PLEKHG1: variants seen among roughly 807,000 people sequenced by gnomAD.
PLEKHG1 encodes the protein pleckstrin homology domain-containing family G member 1.
PLEKHG1 carries 44 observed loss-of-function variants against 100.8 expected under a neutral mutation model. The observed-to-expected ratio is 0.44, with a 90% CI of 0.34 to 0.56. The LOEUF is 0.56. Among genes scored for constraint, PLEKHG1 ranks in the 20% least tolerant of loss-of-function variants. The probability of loss-of-function intolerance (pLI) is 0.01; values close to 1 mark genes in which losing one functional copy is unlikely to be tolerated. For missense variants in PLEKHG1, 1,545 were observed against 1,720.9 expected (o/e 0.90, Z 1.81); for synonymous variants, 640 against 662.5 (o/e 0.97, Z 0.52).
chr6:150,828,060 C>T (rs2128685308), intron 14 of PLEKHG1: 1 of 1,613,022 alleles, frequency 6.2e-7, no homozygotes, highest in Admixed American at 1.7e-5. Context: ...GATAAATCAG[C>T]ACCTCAGTGG....
At chr6:150,634,288 AAAGAACTGTGATC>A (rs1197988833) in intron 1 of PLEKHG1, among the ~76,000 whole-genome samples, 7 of 152,138 alleles carry the variant, frequency 4.6e-5, no homozygotes, top group African/African-American at 1.7e-4. Context: ...AAGAAAAAAA[AAAGAACTGTGATC>A]AAGCAGCCAC....
At chr6:150,777,794 T>A (rs1205165682) in intron 3 of PLEKHG1, among the ~76,000 whole-genome samples, 13 of 152,212 alleles carry the variant, frequency 8.5e-5, no homozygotes, top group African/African-American at 2.9e-4. Flanking sequence ...ACATGTGCGG[T>A]TGCACATCAG....
chr6:150,839,256 A>G (rs1777386660), intron 15 of PLEKHG1, among the ~76,000 whole-genome samples: 1 of 152,202 alleles, frequency 6.6e-6, no homozygotes, highest in Non-Finnish European at 1.5e-5. Flanking sequence ...CTGGGACTAC[A>G]GGTGCACGCC....
intron 3 of PLEKHG1, among the ~76,000 whole-genome samples, chr6:150,778,754 T>G (rs1354676320): frequency 6.6e-6 from 1 of 152,052 alleles, no homozygotes; most frequent in Non-Finnish European, 1.5e-5. Flanking sequence ...GCAGACAAAG[T>G]GGATAGGAAC....
chr6:150,687,406 C>T (rs1220546765), intron 3 of PLEKHG1, among the ~76,000 whole-genome samples: 1 of 152,086 alleles, frequency 6.6e-6, no homozygotes, highest in African/African-American at 2.4e-5. Context: ...TCTGGGTTTT[C>T]TCAGTAATTC....
At chr6:150,725,646 ATG>A (rs1186851164) in intron 1 of PLEKHG1, among the ~76,000 whole-genome samples, 1 of 151,840 alleles carries the variant, frequency 6.6e-6, no homozygotes, top group Non-Finnish European at 1.5e-5. Flanking sequence ...TTCTAGTTTG[ATG>A]TAGTCTCACT....
At chr6:150,637,879 G>T (rs1330071044) in intron 1 of PLEKHG1, among the ~76,000 whole-genome samples, 1 of 151,952 alleles carries the variant, frequency 6.6e-6, no homozygotes, top group South Asian at 2.1e-4. Flanking sequence ...TGGATTTTAG[G>T]CCTCTTGAAA....
rs1780022049 is a variant in PLEKHG1 at position 150,683,961 on chromosome 6, G to A, written c.-99+33175G>A. The A allele has an allele frequency of 6.4e-6, 3 of 469,002 alleles. No homozygotes were observed. In the Admixed American group the frequency reaches 1.1e-4, roughly 17 times the overall value. 29.1% of individuals were successfully genotyped at this position (469,002 alleles called of 1,614,324 possible). A position where few individuals can be genotyped will look rare whatever the true frequency, so the allele number is the denominator to read the frequency against. On this transcript the variant is annotated intron_variant, in intron 3 of 3. Coordinates refer to the PLEKHG1 transcript ENST00000367326. The surrounding 1 kb of genome is among the most constrained non-coding windows in gnomAD (Gnocchi z 4.0). ...GCAGTGGCAAGTAGTGGGTTTCATG[G>A]AAGGATAAAAGTATCAGGCAGCCTC...
At chr6:150,668,021 G>A (rs541016437) in intron 3 of PLEKHG1, among the ~76,000 whole-genome samples, 1 of 152,332 alleles carries the variant, frequency 6.6e-6, no homozygotes, top group South Asian at 2.1e-4. Context: ...TAAAATACGT[G>A]CAATAGGTCT....
intron 3 of PLEKHG1, among the ~76,000 whole-genome samples, chr6:150,694,546 A>T (rs1200705827): frequency 6.6e-6 from 1 of 152,018 alleles, no homozygotes; most frequent in East Asian, 1.9e-4. Context: ...CTAAAAATAC[A>T]AAAATTAGCC....
intron 1 of PLEKHG1, among the ~76,000 whole-genome samples, chr6:150,725,747 C>A (rs1781930070): frequency 6.8e-6 from 1 of 147,822 alleles, no homozygotes; most frequent in Non-Finnish European, 1.5e-5. Flanking sequence ...TGAAGCTTTT[C>A]TCCCCTATGT....
chr6:150,673,184 A>G (rs1779634045), intron 3 of PLEKHG1, among the ~76,000 whole-genome samples: 1 of 152,182 alleles, frequency 6.6e-6, no homozygotes, highest in African/African-American at 2.4e-5. Context: ...ATTAACCTTT[A>G]GCATCCTCTC....
intron 1 of PLEKHG1, among the ~76,000 whole-genome samples, chr6:150,601,279 G>T (rs565499655): frequency 6.6e-6 from 1 of 152,300 alleles, no homozygotes; most frequent in African/African-American, 2.4e-5. Context: ...TTAAATTGCT[G>T]TTAAAAACAT....
chr6:150,777,599 A>G lies in PLEKHG1; in HGVS notation c.513-8791A>G, dbSNP rs541496926. Reference sequence around the variant, plus strand: ...GTGCGGTTGCACATCAGCCACACTGATGCAATCCTGGTGCACATGTGTGGT... The same window carrying G: ...GTGCGGTTGCACATCAGCCACACTGGTGCAATCCTGGTGCACATGTGTGGT... On this transcript the variant is annotated intron_variant, in intron 3 of 15. Transcript: ENST00000358517. Among the ~76,000 whole-genome samples the G allele has an allele frequency of 2.4e-4, 36 of 151,086 alleles. No individual in the cohort carries two copies. In the East Asian group the frequency reaches 4.7e-3, roughly 20 times the overall value.
chr6:150,632,281 T>A (rs900110653), intron 1 of PLEKHG1, among the ~76,000 whole-genome samples: 3 of 152,274 alleles, frequency 2.0e-5, no homozygotes, highest in African/African-American at 7.2e-5. Context: ...GGTTTTTCCT[T>A]GCTTTTCTTT....
intron 15 of PLEKHG1, among the ~76,000 whole-genome samples, chr6:150,835,792 C>G (rs1777193297): frequency 6.6e-6 from 1 of 152,126 alleles, no homozygotes; most frequent in Admixed American, 6.5e-5. Flanking sequence ...GAAGGTCAAG[C>G]TGAAACAAAA....
At chr6:150,656,625 A>G (rs1025323333) in intron 3 of PLEKHG1, among the ~76,000 whole-genome samples, 1 of 152,230 alleles carries the variant, frequency 6.6e-6, no homozygotes, top group South Asian at 2.1e-4. Flanking sequence ...CTTTAATTTT[A>G]AACTACTTTA....
chr6:150,799,988 A>G (rs1041663252), intron 5 of PLEKHG1, among the ~76,000 whole-genome samples: 1 of 152,134 alleles, frequency 6.6e-6, no homozygotes, highest in African/African-American at 2.4e-5. Flanking sequence ...TGTGCTCATC[A>G]CCTCGGGGGG....
intron 3 of PLEKHG1, among the ~76,000 whole-genome samples, chr6:150,691,477 G>A (rs1341493836): frequency 6.6e-6 from 1 of 152,126 alleles, no homozygotes; most frequent in Non-Finnish European, 1.5e-5. Flanking sequence ...AGATACTTAA[G>A]TTATTATTGC....
Sources: allele counts gnomAD v4.1 joint callset (sites outside exome capture counted in the v4.1 genomes callset), GRCh38; gene constraint gnomAD v4.1.1; non-coding constraint Gnocchi (gnomAD v3.1); transcripts MANE v1.5; gene names NCBI Gene and HGNC (gene_info 2026-07-23, HGNC 2026-07-21).